The following FIGN variants were observed in gnomAD, a reference collection of about 807,000 sequenced individuals.
FIGN encodes fidgetin.
Under a neutral mutation model 51.3 loss-of-function variants are expected in FIGN, and 11 were observed. The ratio of observed to expected loss-of-function variants is 0.21; its 90% confidence interval spans 0.13 to 0.35. The LOEUF is 0.35. FIGN is among the 10% of genes least tolerant of loss of function. The probability of loss-of-function intolerance (pLI) is 1.00; values close to 1 mark genes in which losing one functional copy is unlikely to be tolerated. For synonymous variants in FIGN, 407 were observed against 363.2 expected, an observed-to-expected ratio of 1.12 and a Z score of -1.37; for missense variants, 857 against 943.6, an observed-to-expected ratio of 0.91 and a Z score of 1.20.
chr2:163,706,766 C>A (rs908983870), intron 2 of FIGN, among the ~76,000 whole-genome samples: 4 of 152,116 alleles, frequency 2.6e-5, no homozygotes, highest in African/African-American at 9.7e-5. Context: ...ATTAGTTGTG[C>A]ATCACACAGG....
At position 163,719,805 on chromosome 2, in the gene FIGN, T is replaced by C. The variant is rs1684726093; in HGVS notation, c.25+15098A>G. Among the ~76,000 whole-genome samples the C allele has an allele frequency of 3.3e-5, 5 of 152,178 alleles. No homozygotes were observed. The South Asian group carries it at 1.0e-3, about 32-fold the overall frequency. ...ATATCAAGACTAAAATTTTGAGGGATGGGGGAAGTTATTCATCCCAGTCTC... is the reference window on the plus strand; with the variant it reads ...ATATCAAGACTAAAATTTTGAGGGACGGGGGAAGTTATTCATCCCAGTCTC... On this transcript the variant is annotated intron_variant, in intron 2 of 2. Transcript: ENST00000333129.
intron 2 of FIGN, among the ~76,000 whole-genome samples, chr2:163,631,177 G>C (rs144214411): frequency 2.0e-5 from 3 of 152,254 alleles, no homozygotes; most frequent in Admixed American, 6.5e-5. Context: ...GGTTTCACTG[G>C]TGTATCAAAA....
intron 2 of FIGN, among the ~76,000 whole-genome samples, chr2:163,712,224 A>C (rs1193450651): frequency 6.6e-6 from 1 of 152,240 alleles, no homozygotes; most frequent in Non-Finnish European, 1.5e-5. Flanking sequence ...TTAAATTGTA[A>C]GATTTACAAT....
At position 163,611,315 on chromosome 2, in the gene FIGN, C is replaced by T. The variant is rs1199742098; in HGVS notation, c.517G>A (p.Val173Ile). The change falls in exon 3 of 3, where the codon GTA (valine) becomes ATA (isoleucine). Residue 173 changes from valine to isoleucine, a missense_variant. Val to Ile is a conservative substitution (Grantham distance 29). Coordinates refer to ENST00000333129, the MANE Select transcript of FIGN (RefSeq NM_018086.4). ...YSSSTCGSHT[V>I]PSLHAGLPSQ... ...GGGAGCCCTGCATGAAGACTGGGTACAGTGTGGCTTCCACAGGTACTACTT... is the reference window on the plus strand; with the variant it reads ...GGGAGCCCTGCATGAAGACTGGGTATAGTGTGGCTTCCACAGGTACTACTT... 6.2e-7 allele frequency: 1 copy of T among 1,614,018 alleles called. No individual in the cohort carries two copies. The highest frequency in any genetic ancestry group is 8.5e-7 in the Non-Finnish European group (1 of 1,180,050).
At chr2:163,617,442 TC>T (rs1682899246) in intron 2 of FIGN, among the ~76,000 whole-genome samples, 1 of 152,132 alleles carries the variant, frequency 6.6e-6, no homozygotes, top group African/African-American at 2.4e-5. Flanking sequence ...AATTTCACAG[TC>T]TAAATTCTCC....
At chr2:163,619,740 C>A (rs1475630737) in intron 2 of FIGN, among the ~76,000 whole-genome samples, 1 of 152,062 alleles carries the variant, frequency 6.6e-6, no homozygotes, top group Non-Finnish European at 1.5e-5. Flanking sequence ...ACTATATGAT[C>A]AGGACAGAAA....
chr2:163,616,538 G>A (rs1251324419), intron 2 of FIGN, among the ~76,000 whole-genome samples: 7 of 152,144 alleles, frequency 4.6e-5, no homozygotes, highest in Admixed American at 6.5e-5. Context: ...GGTTTTCTCA[G>A]ACTTCCTAAG....
chr2:163,691,970 A>T (rs1373326053), intron 2 of FIGN, among the ~76,000 whole-genome samples: 1 of 152,212 alleles, frequency 6.6e-6, no homozygotes, highest in Non-Finnish European at 1.5e-5. Context: ...TAAAAATTTT[A>T]AATGCTCAAT....
At chr2:163,665,805 T>C (rs1459521620) in intron 2 of FIGN, among the ~76,000 whole-genome samples, 2 of 151,956 alleles carry the variant, frequency 1.3e-5, no homozygotes, top group African/African-American at 4.8e-5. Context: ...TGAAAAAAAA[T>C]GATCCTGGAT....
In FIGN at chr2:163,609,467, A is replaced by C. The variant is rs567101662; in HGVS notation, c.*85T>G. The C allele has an allele frequency of 1.2e-5, 14 of 1,183,906 alleles. No homozygotes were observed. The East Asian group carries it at 3.3e-4, about 28-fold the overall frequency. The allele number at this position is 1,183,906 out of a possible 1,614,324, so 73.3% of individuals were successfully genotyped here. A position where few individuals can be genotyped will look rare whatever the true frequency, so the allele number is the denominator to read the frequency against. ...CAGTACCCTTTGCAATTTAAACTCT[A>C]CTGGAAAGGGGCTCTATTCCCTATG... On this transcript the variant is annotated 3_prime_UTR_variant, in exon 3 of 3. Transcript: ENST00000333129.
chr2:163,664,805 A>G (rs1271754196), intron 2 of FIGN, among the ~76,000 whole-genome samples: 2 of 152,220 alleles, frequency 1.3e-5, no homozygotes, highest in Non-Finnish European at 2.9e-5. Flanking sequence ...TTTCCTTCAA[A>G]TGAATTTGCT....
intron 2 of FIGN, among the ~76,000 whole-genome samples, chr2:163,687,573 T>G (rs1181158399): frequency 6.6e-6 from 1 of 152,164 alleles, no homozygotes; most frequent in Non-Finnish European, 1.5e-5. Flanking sequence ...CATGAAAGAA[T>G]TACTCTTGAG....
intron 2 of FIGN, among the ~76,000 whole-genome samples, chr2:163,709,812 G>C (rs1431013128): frequency 6.6e-6 from 1 of 151,978 alleles, no homozygotes; most frequent in Non-Finnish European, 1.5e-5. Context: ...TTTTAAAATG[G>C]GCAGGTCAAT....
In FIGN at chr2:163,678,419, A is replaced by T. The variant is rs375149150; in HGVS notation, c.25+56484T>A. Among the ~76,000 whole-genome samples the T allele has an allele frequency of 4.0e-5, 6 of 151,892 alleles. No homozygotes were observed. The East Asian group carries it at 9.7e-4, about 25-fold the overall frequency. On this transcript the variant is annotated intron_variant, in intron 2 of 2. Coordinates refer to ENST00000333129, the MANE Select transcript of FIGN (RefSeq NM_018086.4). Reference sequence around the variant, plus strand: ...TATTTTTAGTAGAGACGGGTTTTCAACATGTTGGCCAGGCTGATCTCAAAC... The same window carrying T: ...TATTTTTAGTAGAGACGGGTTTTCATCATGTTGGCCAGGCTGATCTCAAAC...
chr2:163,726,912 G>A (rs1684846659), intron 2 of FIGN, among the ~76,000 whole-genome samples: 2 of 151,988 alleles, frequency 1.3e-5, no homozygotes, highest in South Asian at 4.1e-4. Flanking sequence ...TTATTTCATA[G>A]TATTTGTTTG....
chr2:163,631,003 G>A (rs948622785), intron 2 of FIGN, among the ~76,000 whole-genome samples: 1 of 152,142 alleles, frequency 6.6e-6, no homozygotes, highest in African/African-American at 2.4e-5. Flanking sequence ...AATTCTTCCT[G>A]TGGTATAGCT....
intron 2 of FIGN, among the ~76,000 whole-genome samples, chr2:163,731,714 G>GAA (rs35314562): frequency 2.2e-5 from 3 of 139,448 alleles, no homozygotes; most frequent in Admixed American, 7.2e-5. Flanking sequence ...TCTATTTTCA[G>GAA]AAAAAAAAAA....
chr2:163,665,274 G>A (rs1683755541), intron 2 of FIGN, among the ~76,000 whole-genome samples: 1 of 152,252 alleles, frequency 6.6e-6, no homozygotes, highest in African/African-American at 2.4e-5. Context: ...CCATAGCCTT[G>A]CGGCTTAAGA....
At chr2:163,656,280 G>T (rs1000818713) in intron 2 of FIGN, among the ~76,000 whole-genome samples, 18 of 152,148 alleles carry the variant, frequency 1.2e-4, no homozygotes, top group African/African-American at 2.4e-4. Context: ...CTGTTTATTG[G>T]GTATCAAGAG....
Sources: allele counts gnomAD v4.1 joint callset (sites outside exome capture counted in the v4.1 genomes callset), GRCh38; gene constraint gnomAD v4.1.1; transcripts MANE v1.5; gene names NCBI Gene and HGNC (gene_info 2026-07-23, HGNC 2026-07-21).